Variants in LMX1A observed in about 807,000 individuals in gnomAD.
The protein encoded by LMX1A is LIM homeobox transcription factor 1 alpha.
A neutral mutation model predicts 49.1 loss-of-function variants in LMX1A; 15 were observed. The observed-to-expected ratio is 0.31, with a 90% confidence interval of 0.20 to 0.47. The LOEUF (loss-of-function observed/expected upper bound fraction) is 0.47. Among genes scored for constraint, LMX1A ranks in the 20% least tolerant of loss-of-function variants. LMX1A has a pLI of 1.00. For missense variants in LMX1A, 372 were observed against 475.8 expected, an observed-to-expected ratio of 0.78 and a Z score of 2.03; for synonymous variants, 167 against 185.7, an observed-to-expected ratio of 0.90 and a Z score of 0.82.
Position 165,354,964 on chromosome 1 carries a change from TA to T in LMX1A, c.76+519del, listed in dbSNP as rs1457851286. ...AGCTCCAGTTAATTAACGCGGAGCC[TA>T]GGGCCCAGCCGCGCGGTCTAATCCC... On this transcript the variant is annotated intron_variant, in intron 2 of 8. Transcript: ENST00000342310. 4.6e-5 allele frequency among the ~76,000 whole-genome samples: 7 copies of T among 152,276 alleles called. No individual in the cohort carries two copies. In the East Asian group the frequency reaches 1.4e-3, roughly 30 times the overall value.
intron 3 of LMX1A, among the ~76,000 whole-genome samples, chr1:165,337,066 G>A (rs1911270): frequency 0.9 from 136,234 of 152,214 alleles, 61,215 homozygotes; most frequent in Middle Eastern, 0.95. Context: ...CTGGAGAAAT[G>A]TATTTTGTTT....
intron 3 of LMX1A, among the ~76,000 whole-genome samples, chr1:165,344,053 A>G (rs904209864): frequency 6.6e-6 from 1 of 152,248 alleles, no homozygotes; most frequent in Non-Finnish European, 1.5e-5. Flanking sequence ...GGTTCAGAGC[A>G]TGAGACAAGC....
intron 4 of LMX1A, among the ~76,000 whole-genome samples, chr1:165,234,766 A>G (rs1345832156): frequency 6.6e-6 from 1 of 152,222 alleles, no homozygotes; most frequent in East Asian, 1.9e-4. Flanking sequence ...AAGGAAAACC[A>G]TTTGCATTTG....
intron 3 of LMX1A, among the ~76,000 whole-genome samples, chr1:165,276,416 C>T (rs1004119841): frequency 6.6e-6 from 1 of 152,174 alleles, no homozygotes; most frequent in Non-Finnish European, 1.5e-5. Context: ...TTTGGTAAAG[C>T]TCAGGCAGAA....
At chr1:165,331,746 G>C (rs1056910063) in intron 3 of LMX1A, among the ~76,000 whole-genome samples, 1 of 152,022 alleles carries the variant, frequency 6.6e-6, no homozygotes, top group Non-Finnish European at 1.5e-5. Context: ...GCAAAACCCC[G>C]TGTCTACTAA....
intron 5 of LMX1A, 175 bp from the exon 6 acceptor site, chr1:165,210,951 A>G: frequency 2.3e-6 from 1 of 438,110 alleles, no homozygotes; most frequent in Non-Finnish European, 4.0e-6. Flanking sequence ...TCAGGTAGAA[A>G]GAAAGTCCTT....
intron 3 of LMX1A, among the ~76,000 whole-genome samples, chr1:165,330,181 C>A (rs755307875): frequency 2.6e-5 from 4 of 152,132 alleles, no homozygotes; most frequent in East Asian, 3.9e-4. Flanking sequence ...AGTGGCTGAG[C>A]CAAGATGTGA....
intron 2 of LMX1A, among the ~76,000 whole-genome samples, chr1:165,354,350 T>C (rs1656527032): frequency 1.3e-5 from 2 of 152,126 alleles, no homozygotes; most frequent in Admixed American, 6.5e-5. Flanking sequence ...TTTACAATTC[T>C]ATTTTCTTTC....
intron 3 of LMX1A, among the ~76,000 whole-genome samples, chr1:165,285,988 C>T (rs918931216): frequency 3.3e-5 from 5 of 152,202 alleles, no homozygotes; most frequent in South Asian, 2.1e-4. Flanking sequence ...CAAGGCTTAT[C>T]GAGACTCATA....
rs186137695 is a variant in LMX1A, at chr1:165,333,713, C to A, written c.263+19363G>T. 2.6e-4 allele frequency among the ~76,000 whole-genome samples: 39 copies of A among 151,872 alleles called. No individual in the cohort carries two copies. In the East Asian group the frequency reaches 5.4e-3, roughly 21 times the overall value. On this transcript the variant is annotated intron_variant, in intron 3 of 8. Coordinates refer to ENST00000342310, the MANE Select transcript of LMX1A (RefSeq NM_177398.4). ...CAAAATACTTTATAGTTCTTGAAGC[C>A]CAAGGACATTGTTTATACACACACA...
At chr1:165,352,088 C>T (rs1054640440) in intron 3 of LMX1A, among the ~76,000 whole-genome samples, 2 of 152,210 alleles carry the variant, frequency 1.3e-5, no homozygotes, top group African/African-American at 4.8e-5. Context: ...CCCTGCAAAG[C>T]CAATACACTT....
intron 3 of LMX1A, among the ~76,000 whole-genome samples, chr1:165,264,000 C>T (rs1653537344): frequency 6.6e-6 from 1 of 152,070 alleles, no homozygotes; most frequent in African/African-American, 2.4e-5. Context: ...AAATATTTTA[C>T]CTAGAAAGGA....
At chr1:165,335,540 AT>A (rs1411072236) in intron 3 of LMX1A, among the ~76,000 whole-genome samples, 5 of 152,106 alleles carry the variant, frequency 3.3e-5, no homozygotes, top group African/African-American at 1.2e-4. Flanking sequence ...CTTTCGCATT[AT>A]TTCCTTCCTG....
intron 3 of LMX1A, among the ~76,000 whole-genome samples, chr1:165,311,592 CTCCAAACT>C (rs1655077674): frequency 6.6e-6 from 1 of 152,234 alleles, no homozygotes; most frequent in African/African-American, 2.4e-5. Context: ...GGGCCACACA[CTCCAAACT>C]TTGAAGACCA....
At position 165,242,787 on chromosome 1, in the gene LMX1A, T is replaced by C. The variant is rs554587606; in HGVS notation, c.496+6621A>G. Among the ~76,000 whole-genome samples, 28 of 151,438 alleles carry C rather than the reference T, an allele frequency of 1.8e-4. 1 individual carries two copies. In the South Asian group the frequency reaches 5.4e-3, roughly 29 times the overall value. Reference sequence around the variant, plus strand: ...CTGATTTTAAAAGAAAATGTAAAGATAACATTTAGGCGGGTGCCTATAGTC... The same window carrying C: ...CTGATTTTAAAAGAAAATGTAAAGACAACATTTAGGCGGGTGCCTATAGTC... On this transcript the variant is annotated intron_variant, in intron 4 of 8. Coordinates refer to ENST00000342310, the MANE Select transcript of LMX1A (RefSeq NM_177398.4).
chr1:165,250,511 GT>G (rs11333998), intron 3 of LMX1A, among the ~76,000 whole-genome samples: 20,800 of 152,186 alleles, frequency 0.14, 1,529 homozygotes, highest in African/African-American at 0.16. Flanking sequence ...GTGTAGTCTA[GT>G]TTTTGAGAAA....
At chr1:165,349,262 A>G (rs1027356815) in intron 3 of LMX1A, among the ~76,000 whole-genome samples, 2 of 152,246 alleles carry the variant, frequency 1.3e-5, no homozygotes, top group African/African-American at 4.8e-5. Context: ...CTGAAGTCCA[A>G]CTGCAGTATT....
chr1:165,265,019 C>T (rs1304835645), intron 3 of LMX1A, among the ~76,000 whole-genome samples: 28 of 151,908 alleles, frequency 1.8e-4, no homozygotes, highest in African/African-American at 5.3e-4. Context: ...CTGGCTAATA[C>T]GGTGAAACCC....
At chr1:165,256,599 C>A (rs755858597) in intron 3 of LMX1A, among the ~76,000 whole-genome samples, 1 of 152,016 alleles carries the variant, frequency 6.6e-6, no homozygotes, top group Non-Finnish European at 1.5e-5. Context: ...ACAGCTAAAG[C>A]CAAAAGACAT....
Sources: gnomAD v4.1 joint callset for allele counts (sites outside exome capture counted in the v4.1 genomes callset) on GRCh38, gnomAD v4.1.1 for gene constraint, MANE v1.5 for transcripts, NCBI Gene and HGNC (gene_info 2026-07-23, HGNC 2026-07-21) for gene names.